Variants in DNAAF10 observed in about 807,000 individuals in gnomAD.
DNAAF10 encodes WD repeat domain 92.
A neutral mutation model predicts 43.7 loss-of-function variants in DNAAF10; 28 were observed. The ratio of observed to expected loss-of-function variants is 0.64; its 90% confidence interval spans 0.48 to 0.88. The LOEUF (loss-of-function observed/expected upper bound fraction) is 0.88. Ranked by LOEUF, DNAAF10 falls within the 40% of genes least tolerant of loss-of-function variation. The pLI is 0.00. For synonymous variants in DNAAF10, 156 were observed against 157.3 expected, an observed-to-expected ratio of 0.99 and a Z score of 0.06; for missense variants, 403 against 439.1, an observed-to-expected ratio of 0.92 and a Z score of 0.73.
chr2:68,155,963 C>T (rs1205810472), intron 1 of DNAAF10, among the ~76,000 whole-genome samples: 3 of 151,542 alleles, frequency 2.0e-5, no homozygotes, highest in Non-Finnish European at 4.4e-5. Flanking sequence ...ATAAAAAGTA[C>T]AAAAAAATTA....
intron 1 of DNAAF10, among the ~76,000 whole-genome samples, chr2:68,155,472 T>C (rs1377944490): frequency 2.7e-5 from 4 of 149,714 alleles, no homozygotes. Flanking sequence ...CAAGCTTGGG[T>C]GACAGAGCCA....
intron 1 of DNAAF10, among the ~76,000 whole-genome samples, chr2:68,152,398 G>A (rs546835035): frequency 7.2e-5 from 11 of 152,272 alleles, no homozygotes; most frequent in African/African-American, 1.9e-4. Context: ...CAGAAGGGCC[G>A]AGCTCTGTTG....
intron 3 of DNAAF10, 149 bp downstream of exon 3, chr2:68,144,436 A>C: frequency 1.0e-6 from 1 of 987,736 alleles, no homozygotes; most frequent in Admixed American, 3.0e-5. Flanking sequence ...TAAGCAATCA[A>C]ACTTGTCTGT....
rs763124290 is a variant in DNAAF10 at position 68,157,493 on chromosome 2, A to G, written c.-50T>C. ...AACCGCCACACCCAGAGCCCCCAAA[A>G]ACGGCAACCTGGAAACCAGACTCCA... On this transcript the variant is annotated 5_prime_UTR_variant, in exon 1 of 8. Coordinates refer to ENST00000295121, the MANE Select transcript of DNAAF10 (RefSeq NM_138458.4). The G allele has an allele frequency of 6.2e-7, 1 of 1,613,458 alleles. No individual in the cohort carries two copies. Among genetic ancestry groups the G allele is most frequent in the South Asian group, 1.1e-5 (1 of 91,060 alleles).
chr2:68,136,220 G>GAAAAAAAAAAAAAAAAAAAAAAAAAAA (rs1164483365), intron 6 of DNAAF10, among the ~76,000 whole-genome samples: 1 of 52,672 alleles, frequency 1.9e-5, no homozygotes. Flanking sequence ...TCTGTCTCCA[G>GAAAAAAAAAAAAAAAAAAAAAAAAAAA]AAAAAAAAAA....
At chr2:68,147,213 C>G (rs936179309) in intron 2 of DNAAF10, among the ~76,000 whole-genome samples, 1 of 151,930 alleles carries the variant, frequency 6.6e-6, no homozygotes, top group Non-Finnish European at 1.5e-5. Context: ...AATGCTAGCA[C>G]CAAACTGCGT....
chr2:68,143,382 T>A (rs1195111176), intron 3 of DNAAF10, among the ~76,000 whole-genome samples: 1 of 152,030 alleles, frequency 6.6e-6, no homozygotes. Flanking sequence ...AGGGTTTCGC[T>A]ATGTTGCCCA....
chr2:68,137,262 A>G, intron 6 of DNAAF10, 37 bp downstream of exon 6: 1 of 1,591,274 alleles, frequency 6.3e-7, no homozygotes, highest in Non-Finnish European at 8.5e-7. Context: ...CCAAGCTATC[A>G]TTCTTCTTCA....
At chr2:68,140,902 C>T (rs1022160594) in intron 4 of DNAAF10, among the ~76,000 whole-genome samples, 3 of 152,158 alleles carry the variant, frequency 2.0e-5, no homozygotes, top group Non-Finnish European at 2.9e-5. Context: ...CTAAACAATA[C>T]AACAATGACT....
chr2:68,135,212 G>C (rs1381984952), intron 6 of DNAAF10, among the ~76,000 whole-genome samples: 1 of 152,092 alleles, frequency 6.6e-6, no homozygotes, highest in Non-Finnish European at 1.5e-5. Flanking sequence ...ATACACTTTA[G>C]TTCTGAGAGC....
chr2:68,148,192 G>A (rs1317474252), intron 1 of DNAAF10, among the ~76,000 whole-genome samples: 1 of 152,162 alleles, frequency 6.6e-6, no homozygotes, highest in Non-Finnish European at 1.5e-5. Context: ...TGGGGTTTAT[G>A]GAAATCAGGT....
chr2:68,132,179 A>C (rs1399912874), intron 7 of DNAAF10, among the ~76,000 whole-genome samples: 1 of 152,254 alleles, frequency 6.6e-6, no homozygotes, highest in African/African-American at 2.4e-5. Flanking sequence ...ATGTGTTCCT[A>C]ATAAAATACA....
At chr2:68,156,470 T>TA (rs1209229571) in intron 1 of DNAAF10, among the ~76,000 whole-genome samples, 1 of 152,228 alleles carries the variant, frequency 6.6e-6, no homozygotes, top group African/African-American at 2.4e-5. Flanking sequence ...AAATGCTAGT[T>TA]ACTATCATTA....
At chr2:68,144,529 G>C in intron 3 of DNAAF10, 56 bp downstream of exon 3, 6 of 1,596,590 alleles carry the variant, frequency 3.8e-6, no homozygotes, top group Non-Finnish European at 5.1e-6. Flanking sequence ...ATGTACTGCT[G>C]CATAGAGATT....
chr2:68,147,379 T>A, intron 2 of DNAAF10, 88 bp downstream of exon 2: 2 of 988,736 alleles, frequency 2.0e-6, no homozygotes, highest in Non-Finnish European at 3.1e-6. Context: ...ATTTTAAAAT[T>A]AAAATTCTCT....
In DNAAF10 at chr2:68,157,362, G is replaced by A. The variant is rs139573680; in HGVS notation, c.82C>T (p.Pro28Ser). The A allele has an allele frequency of 5.0e-6, 8 of 1,614,054 alleles. No homozygotes were observed. In the African/African-American group the frequency reaches 1.1e-4, roughly 22 times the overall value. ...ATGGTCACAAATTTGGCGCTGCAGG[G>A]CACCCACTTACAGTCAAACACCGTG... The part of the protein sequence containing the change: ...NYTVFDCKWV[P>S]CSAKFVTMGN... The change falls in exon 1 of 8, where the codon CCC (proline) becomes TCC (serine). Residue 28 changes from proline to serine, a missense_variant. Coordinates refer to ENST00000295121, the MANE Select transcript of DNAAF10 (RefSeq NM_138458.4).
At chr2:68,152,983 AT>A (rs993858352) in intron 1 of DNAAF10, among the ~76,000 whole-genome samples, 57 of 152,010 alleles carry the variant, frequency 3.7e-4, no homozygotes, top group Non-Finnish European at 1.2e-4. Flanking sequence ...GCTTATTGCT[AT>A]TTTTTTTAAT....
In DNAAF10 at chr2:68,151,581, C is replaced by T. The variant is rs151033884; in HGVS notation, c.184-4014G>A. On this transcript the variant is annotated intron_variant, in intron 1 of 7. Transcript: ENST00000295121. ...GCAGGGCCTTGCCTAATTTTTTTAA[C>T]GCATAGCAGGCATTCAACATTTGTT... Among the ~76,000 whole-genome samples the T allele has an allele frequency of 5.7e-3, 875 of 152,196 alleles. 15 individuals carry two copies. The highest frequency in any genetic ancestry group is 0.02 in the African/African-American group (844 of 41,528).
intron 1 of DNAAF10, among the ~76,000 whole-genome samples, chr2:68,156,218 G>A (rs905709530): frequency 2.6e-5 from 4 of 151,904 alleles, no homozygotes; most frequent in African/African-American, 7.3e-5. Context: ...GTCATTCAGG[G>A]AAACTTAAAG....
Sources: allele counts gnomAD v4.1 joint callset (sites outside exome capture counted in the v4.1 genomes callset), GRCh38; gene constraint gnomAD v4.1.1; transcripts MANE v1.5; gene names NCBI Gene and HGNC (gene_info 2026-07-23, HGNC 2026-07-21).